Variants in RIMS1 observed in about 807,000 individuals in gnomAD.
RIMS1 encodes regulating synaptic membrane exocytosis 1.
In RIMS1, 83 loss-of-function variants were observed where a neutral mutation model predicts 214.1. The observed-to-expected ratio is 0.39, with a 90% CI of 0.32 to 0.47. The LOEUF (loss-of-function observed/expected upper bound fraction) is 0.47, where lower values mean the gene tolerates loss of function less well. Among genes scored for constraint, RIMS1 ranks in the 20% least tolerant of loss-of-function variants. The probability of loss-of-function intolerance (pLI) is 0.99; values close to 1 mark genes in which losing one functional copy is unlikely to be tolerated. For missense variants in RIMS1, 2,050 were observed against 2,161.8 expected (o/e 0.95, Z 1.03); for synonymous variants, 793 against 786.8 (o/e 1.01, Z -0.13).
intron 1 of RIMS1, among the ~76,000 whole-genome samples, chr6:71,909,433 ACT>A (rs375728050): frequency 3.1e-3 from 467 of 152,186 alleles, no homozygotes; most frequent in African/African-American, 0.011. Context: ...TGAAGAGTTG[ACT>A]CTCTGAATTC....
At chr6:72,068,298 T>C (rs920250155) in intron 2 of RIMS1, among the ~76,000 whole-genome samples, 3 of 152,248 alleles carry the variant, frequency 2.0e-5, no homozygotes, top group African/African-American at 7.2e-5. Context: ...TTTTTTTTAT[T>C]GATTTTCAGT....
chr6:72,094,645 T>C (rs1385195667), intron 2 of RIMS1, among the ~76,000 whole-genome samples: 3 of 152,166 alleles, frequency 2.0e-5, no homozygotes, highest in Admixed American at 1.3e-4. Context: ...GTGGCTACTT[T>C]CCTACTACAG....
chr6:72,097,816 A>G (rs1233554918), intron 3 of RIMS1, among the ~76,000 whole-genome samples: 1 of 152,184 alleles, frequency 6.6e-6, no homozygotes, highest in African/African-American at 2.4e-5. Context: ...AATAAATGCA[A>G]TTTTTGAAGC....
rs939135625 is a variant in RIMS1 at position 72,154,361 on chromosome 6, A to G, written c.472-25214A>G. Among the ~76,000 whole-genome samples, 4 of 140,822 alleles carry G rather than the reference A, an allele frequency of 2.8e-5. 1 individual carries two copies. The Middle Eastern group carries it at 0.01, about 357-fold the overall frequency. 92.4% of individuals were successfully genotyped at this position (140,822 alleles called of 152,430 possible). ...ACATGGCATTAGTTATGCCTAGGAC[A>G]TATGATGTTTGATAAAAGAAAAGGA... On this transcript the variant is annotated intron_variant, in intron 4 of 33. Transcript: ENST00000521978.
At chr6:72,331,116 T>C (rs766698428) in intron 28 of RIMS1, among the ~76,000 whole-genome samples, 1 of 151,746 alleles carries the variant, frequency 6.6e-6, no homozygotes, top group Non-Finnish European at 1.5e-5. Context: ...AAATAAACTT[T>C]TGAATCTTCC....
chr6:72,094,377 G>T (rs1336372723), intron 2 of RIMS1, among the ~76,000 whole-genome samples: 2 of 152,094 alleles, frequency 1.3e-5, no homozygotes, highest in Admixed American at 6.6e-5. Context: ...TATCTCAGTG[G>T]TCAGTGCCCT....
chr6:72,360,783 TA>T (rs1434915575), intron 29 of RIMS1, among the ~76,000 whole-genome samples: 1 of 150,052 alleles, frequency 6.7e-6, no homozygotes, highest in Non-Finnish European at 1.5e-5. Flanking sequence ...GACGGCGTTT[TA>T]TTTTTTGTGC....
At chr6:71,922,400 C>G (rs1780268833) in intron 1 of RIMS1, among the ~76,000 whole-genome samples, 1 of 152,122 alleles carries the variant, frequency 6.6e-6, no homozygotes, top group South Asian at 2.1e-4. Flanking sequence ...CATATAAATG[C>G]ACTCATGCCA....
At chr6:72,216,358 C>T in intron 6 of RIMS1, 1 of 675,122 alleles carries the variant, frequency 1.5e-6, no homozygotes, top group South Asian at 6.6e-5. Context: ...CTTCTCCTGT[C>T]CCCAGCTCTC....
At chr6:71,963,357 T>A (rs961468506) in intron 1 of RIMS1, among the ~76,000 whole-genome samples, 1 of 152,184 alleles carries the variant, frequency 6.6e-6, no homozygotes. Flanking sequence ...GAGAATCATA[T>A]GCCCCGGCAG....
intron 4 of RIMS1, among the ~76,000 whole-genome samples, chr6:72,140,022 C>A (rs2041888909): frequency 6.6e-6 from 1 of 152,204 alleles, no homozygotes; most frequent in Admixed American, 6.5e-5. Flanking sequence ...TAGCATTGGT[C>A]CAGACAGGGA....
chr6:72,004,364 T>C (rs1806561696), intron 2 of RIMS1, among the ~76,000 whole-genome samples: 1 of 152,128 alleles, frequency 6.6e-6, no homozygotes, highest in Non-Finnish European at 1.5e-5. Context: ...GCATGATTTA[T>C]AGTCCTTTGG....
intron 6 of RIMS1, among the ~76,000 whole-genome samples, chr6:72,190,685 A>G (rs2049939704): frequency 6.6e-6 from 1 of 152,036 alleles, no homozygotes; most frequent in South Asian, 2.1e-4. Flanking sequence ...AGTGGAGATG[A>G]TGGGCATTTG....
chr6:71,906,508 A>G (rs1775297269), intron 1 of RIMS1, among the ~76,000 whole-genome samples: 1 of 152,204 alleles, frequency 6.6e-6, no homozygotes, highest in African/African-American at 2.4e-5. Flanking sequence ...CAAGTAGTAA[A>G]TGTTCCACAG....
At chr6:72,289,262 G>A (rs2092934530) in intron 24 of RIMS1, among the ~76,000 whole-genome samples, 1 of 152,240 alleles carries the variant, frequency 6.6e-6, no homozygotes, top group East Asian at 1.9e-4. Context: ...AACAAAGATT[G>A]AAGTTTATTG....
At position 72,193,403 on chromosome 6, in the gene RIMS1, A is replaced by G. The variant is rs536198534; in HGVS notation, c.1678+10254A>G. 3.3e-5 allele frequency among the ~76,000 whole-genome samples: 5 copies of G among 152,338 alleles called. No homozygotes were observed. In the South Asian group the frequency reaches 6.2e-4, roughly 19 times the overall value. On this transcript the variant is annotated intron_variant, in intron 6 of 33. Coordinates refer to ENST00000521978, the MANE Select transcript of RIMS1 (RefSeq NM_014989.7). ...TCATTCTCAAATAAATTGTGTGACT[A>G]TACCTTAAAGTGGTCATCCTACTCT...
At chr6:72,231,728 G>A (rs1338116588) in intron 6 of RIMS1, among the ~76,000 whole-genome samples, 5 of 151,624 alleles carry the variant, frequency 3.3e-5, no homozygotes, top group Admixed American at 1.3e-4. Flanking sequence ...TCATAATAAA[G>A]TGTGTTGAGT....
chr6:71,908,475 C>T (rs1365700720), intron 1 of RIMS1, among the ~76,000 whole-genome samples: 1 of 152,138 alleles, frequency 6.6e-6, no homozygotes, highest in African/African-American at 2.4e-5. Flanking sequence ...AGGAGGTGGA[C>T]ACTGCTTCAT....
intron 4 of RIMS1, among the ~76,000 whole-genome samples, chr6:72,137,007 GGCAATA>G (rs2041391800): frequency 6.6e-6 from 1 of 151,740 alleles, no homozygotes; most frequent in Non-Finnish European, 1.5e-5. Flanking sequence ...AATATAATAA[GGCAATA>G]AAATAAAATA....
Sources: gnomAD v4.1 joint callset for allele counts (sites outside exome capture counted in the v4.1 genomes callset) on GRCh38, gnomAD v4.1.1 for gene constraint, MANE v1.5 for transcripts, NCBI Gene and HGNC (gene_info 2026-07-23, HGNC 2026-07-21) for gene names.